The following A1CF variants were observed in gnomAD, a reference collection of about 807,000 sequenced individuals.
A1CF encodes the protein APOBEC1 complementation factor.
A1CF carries 48 observed loss-of-function variants against 68.9 expected under a neutral mutation model. That is an observed-to-expected ratio of 0.70 (90% confidence interval 0.55 to 0.89). A1CF has a LOEUF of 0.89. Among genes scored for constraint, A1CF ranks in the 40% least tolerant of loss-of-function variants. The pLI is 0.00. For missense variants in A1CF, 653 were observed against 718.9 expected, an observed-to-expected ratio of 0.91 and a Z score of 1.05; for synonymous variants, 272 against 260.4, an observed-to-expected ratio of 1.04 and a Z score of -0.43.
intron 3 of A1CF, among the ~76,000 whole-genome samples, chr10:50,855,090 A>C (rs1840417261): frequency 6.6e-6 from 1 of 151,874 alleles, no homozygotes; most frequent in Admixed American, 6.6e-5. Context: ...GGAAGTGTAT[A>C]TTTTTCTGAA....
chr10:50,844,564 C>T lies in A1CF; in HGVS notation c.100-442G>A, dbSNP rs540717198. Among the ~76,000 whole-genome samples the T allele has an allele frequency of 3.6e-4, 54 of 152,088 alleles. 1 individual carries two copies. In the South Asian group the frequency reaches 7.5e-3, roughly 21 times the overall value. ...ATATTAATAATATATTATTGTTAAA[C>T]GTAGTCATCCTGCAGTGCTATAGAA... On this transcript the variant is annotated intron_variant, in intron 3 of 12. Transcript: ENST00000373997.
intron 10 of A1CF, among the ~76,000 whole-genome samples, chr10:50,812,394 G>A (rs1838159526): frequency 6.6e-6 from 1 of 152,140 alleles, no homozygotes; most frequent in South Asian, 2.1e-4. Context: ...GTTGTAGAAG[G>A]TCAGACACAA....
rs1250275583 is a variant in A1CF, at chr10:50,828,244, T to C, written c.656A>G (p.Glu219Gly). Residue 219 changes from glutamate to glycine, a missense_variant, in exon 7 of 13, where the codon GAA (glutamate) becomes GGA (glycine). Glu to Gly is a moderately conservative substitution (Grantham distance 98, BLOSUM62 -2). Transcript: ENST00000373997. ...CATTGTATCTTCATCAACTTCTACTTCTGGCTCTGCCCAGTCTACTGCAAT... is the reference window on the plus strand; with the variant it reads ...CATTGTATCTTCATCAACTTCTACTCCTGGCTCTGCCCAGTCTACTGCAAT... ...HGIAVDWAEP[E>G]VEVDEDTMSS... 6.2e-7 allele frequency: 1 copy of C among 1,607,770 alleles called. No homozygotes were observed.
chr10:50,842,744 AAACT>A (rs1251037435), intron 4 of A1CF, among the ~76,000 whole-genome samples: 1 of 152,240 alleles, frequency 6.6e-6, no homozygotes, highest in Non-Finnish European at 1.5e-5. Context: ...CTCATTCGCC[AAACT>A]AACTTCTTAG....
intron 3 of A1CF, among the ~76,000 whole-genome samples, chr10:50,855,911 C>G (rs12248943): frequency 0.039 from 5,912 of 151,940 alleles, 368 homozygotes; most frequent in African/African-American, 0.13. Context: ...TGTACAAAAA[C>G]TTTTTTAAAA....
intron 3 of A1CF, 102 bp downstream of exon 3, chr10:50,859,740 G>C (rs1477522040): frequency 1.1e-6 from 1 of 945,114 alleles, no homozygotes; most frequent in East Asian, 2.5e-5. Context: ...TCTCTAAAGA[G>C]CTATGTAACT....
At position 50,804,066 on chromosome 10, in the gene A1CF, T is replaced by A. The variant is rs1837718403; in HGVS notation, c.*2663A>T. 1 of 152,310 alleles carries A rather than the reference T, an allele frequency of 6.6e-6. No homozygotes were observed. Among genetic ancestry groups the A allele is most frequent in the Middle Eastern group, 3.4e-3 (1 of 294 alleles). The allele number at this position is 152,310 out of a possible 1,614,324, so 9.4% of individuals were successfully genotyped here. A position where few individuals can be genotyped will look rare whatever the true frequency, so the allele number is the denominator to read the frequency against. On this transcript the variant is annotated 3_prime_UTR_variant, in exon 13 of 13. Coordinates refer to ENST00000373997, the MANE Select transcript of A1CF (RefSeq NM_014576.4). Reference sequence around the variant, plus strand: ...TATGGCATGGTAGACACATTAACACTTTCTATGAAGGTATTTTAATGGAAT... The same window carrying A: ...TATGGCATGGTAGACACATTAACACATTCTATGAAGGTATTTTAATGGAAT...
At chr10:50,855,464 A>C (rs1351840039) in intron 3 of A1CF, among the ~76,000 whole-genome samples, 1 of 151,990 alleles carries the variant, frequency 6.6e-6, no homozygotes, top group Middle Eastern at 3.2e-3. Flanking sequence ...TTTCAACAAG[A>C]GTATGTATTA....
chr10:50,811,135 T>C lies in A1CF; in HGVS notation c.1365A>G (p.Pro455=). 6.2e-7 allele frequency: 1 copy of C among 1,613,470 alleles called. No homozygotes were observed. Among genetic ancestry groups the C allele is most frequent in the Non-Finnish European group, 8.5e-7 (1 of 1,179,616 alleles). The change falls in exon 11 of 13, where the codon CCA becomes CCG. Residue 455 remains proline (P), a synonymous_variant. Transcript: ENST00000373997. ...CAATAGCAGAGTGCAGCTGGTACACTGGCTGTCCCCAGTTATTTTTCTGAC... is the reference window on the plus strand; with the variant it reads ...CAATAGCAGAGTGCAGCTGGTACACCGGCTGTCCCCAGTTATTTTTCTGAC... ...EICQKNNWGQ[P]VYQLHSAIGQ...
At chr10:50,872,039 GA>G (rs1170478274) in intron 1 of A1CF, among the ~76,000 whole-genome samples, 2 of 152,006 alleles carry the variant, frequency 1.3e-5, no homozygotes, top group Non-Finnish European at 2.9e-5. Flanking sequence ...GTAATATACA[GA>G]TTACTTTTAA....
At position 50,804,068 on chromosome 10, in the gene A1CF, T is replaced by C. The variant is rs751187910; in HGVS notation, c.*2661A>G. ...TGGCATGGTAGACACATTAACACTTTCTATGAAGGTATTTTAATGGAATTC... is the reference window on the plus strand; with the variant it reads ...TGGCATGGTAGACACATTAACACTTCCTATGAAGGTATTTTAATGGAATTC... On this transcript the variant is annotated 3_prime_UTR_variant, in exon 13 of 13. Transcript: ENST00000373997. 2.8e-4 allele frequency: 42 copies of C among 152,180 alleles called. No homozygotes were observed. Among genetic ancestry groups the C allele is most frequent in the Non-Finnish European group, 5.7e-4 (39 of 68,008 alleles). The allele number at this position is 152,180 out of a possible 1,614,324, so 9.4% of individuals were successfully genotyped here.
chr10:50,818,854 T>C (rs1187175487), intron 8 of A1CF, among the ~76,000 whole-genome samples: 1 of 152,164 alleles, frequency 6.6e-6, no homozygotes, highest in African/African-American at 2.4e-5. Flanking sequence ...GGGCCTAGGC[T>C]AAGAGATCCT....
chr10:50,840,996 C>A (rs1264880994), intron 5 of A1CF, among the ~76,000 whole-genome samples: 3 of 152,142 alleles, frequency 2.0e-5, no homozygotes, highest in South Asian at 2.1e-4. Flanking sequence ...CCACCATGGA[C>A]CCCCTCATCC....
rs374794564 is a variant in A1CF at position 50,866,593 on chromosome 10, T to C, written c.-93-2513A>G. 4.6e-5 allele frequency among the ~76,000 whole-genome samples: 7 copies of C among 152,358 alleles called. No individual in the cohort carries two copies. The East Asian group carries it at 9.6e-4, about 21-fold the overall frequency. ...TGGAAGAGAGACACAGGCAGTGTAGTACATTCTGACTTTTCTAAATCTAGA... is the reference window on the plus strand; with the variant it reads ...TGGAAGAGAGACACAGGCAGTGTAGCACATTCTGACTTTTCTAAATCTAGA... On this transcript the variant is annotated intron_variant, in intron 1 of 12. Coordinates refer to ENST00000373997, the MANE Select transcript of A1CF (RefSeq NM_014576.4).
In A1CF at chr10:50,859,723, G is replaced by C. The variant is rs980100266; in HGVS notation, c.99+119C>G. On this transcript the variant is annotated intron_variant, in intron 3 of 12. Coordinates refer to ENST00000373997, the MANE Select transcript of A1CF (RefSeq NM_014576.4). Reference sequence around the variant, plus strand: ...TGCAATTTCCTTCTCTTTTAGAAAGGGACATTTCTCTAAAGAGCTATGTAA... The same window carrying C: ...TGCAATTTCCTTCTCTTTTAGAAAGCGACATTTCTCTAAAGAGCTATGTAA... 7.6e-6 allele frequency: 6 copies of C among 785,928 alleles called. No homozygotes were observed. The African/African-American group carries it at 1.0e-4, about 14-fold the overall frequency. 48.7% of individuals were successfully genotyped at this position (785,928 alleles called of 1,614,324 possible).
At chr10:50,836,638 C>T (rs1032526679) in intron 5 of A1CF, among the ~76,000 whole-genome samples, 2 of 151,288 alleles carry the variant, frequency 1.3e-5, no homozygotes, top group African/African-American at 2.4e-5. Context: ...GTGCTGCACC[C>T]ATTAACTCGT....
chr10:50,819,462 CT>C (rs552612675), intron 8 of A1CF, among the ~76,000 whole-genome samples: 376 of 152,276 alleles, frequency 2.5e-3, no homozygotes, highest in African/African-American at 7.6e-3. Flanking sequence ...ATTCTCTCCC[CT>C]TTCAGGATTT....
At chr10:50,853,037 CAT>C (rs1190035704) in intron 3 of A1CF, among the ~76,000 whole-genome samples, 4 of 152,008 alleles carry the variant, frequency 2.6e-5, no homozygotes, top group Non-Finnish European at 4.4e-5. Flanking sequence ...AGAATCAAAA[CAT>C]GTGATTTCAT....
chr10:50,811,286 A>T, intron 10 of A1CF, 110 bp from the exon 11 acceptor site: 1 of 1,100,242 alleles, frequency 9.1e-7, no homozygotes, highest in Non-Finnish European at 1.3e-6. Flanking sequence ...GTATCTGAAG[A>T]CATAAAATGC....
Sources: gnomAD v4.1 joint callset for allele counts (sites outside exome capture counted in the v4.1 genomes callset) on GRCh38, gnomAD v4.1.1 for gene constraint, MANE v1.5 for transcripts, NCBI Gene and HGNC (gene_info 2026-07-23, HGNC 2026-07-21) for gene names.